Variants in USP24 observed in about 807,000 individuals in gnomAD.
USP24 encodes the protein ubiquitin specific peptidase 24.
Under a neutral mutation model 361.6 loss-of-function variants are expected in USP24, and 97 were observed. The ratio of observed to expected loss-of-function variants is 0.27; its 90% CI spans 0.23 to 0.32. The LOEUF (loss-of-function observed/expected upper bound fraction) is 0.32, where lower values mean the gene tolerates loss of function less well. USP24 is among the 10% of genes least tolerant of loss of function. The pLI, the probability that USP24 is intolerant of heterozygous loss-of-function variation, is 1.00. For synonymous variants in USP24, 1,098 were observed against 1,124.6 expected, an observed-to-expected ratio of 0.98 and a Z score of 0.47; for missense variants, 2,353 against 3,165.6, an observed-to-expected ratio of 0.74 and a Z score of 6.16.
At chr1:55,072,484 G>C in intron 65 of USP24, 81 bp from the exon 66 acceptor site, 2 of 1,168,958 alleles carry the variant, frequency 1.7e-6, no homozygotes, top group South Asian at 1.4e-5. Context: ...TAGATATTGA[G>C]TCTTAAAAGC....
At chr1:55,166,989 G>C (rs1249491669) in intron 5 of USP24, among the ~76,000 whole-genome samples, 1 of 152,156 alleles carries the variant, frequency 6.6e-6, no homozygotes, top group Non-Finnish European at 1.5e-5. Flanking sequence ...TTTAGTCCCA[G>C]TTAGATCATT....
intron 41 of USP24, among the ~76,000 whole-genome samples, chr1:55,105,188 T>G (rs1462831105): frequency 1.3e-5 from 2 of 152,196 alleles, no homozygotes; most frequent in African/African-American, 4.8e-5. Flanking sequence ...AATTAAAATA[T>G]TCACTTGTTT....
rs1291720188 is a variant in USP24, at chr1:55,123,378, T to A, written c.4276+69A>T. ...ATGGGACCTTATCTAGGAAGAAATG[T>A]AAAGAATTCCCAACAGAAACTTGGC... is the stretch of plus-strand genomic sequence containing the variant. On this transcript the variant is annotated intron_variant, in intron 36 of 67. Coordinates refer to ENST00000294383, the MANE Select transcript of USP24 (RefSeq NM_015306.3). The A allele has an allele frequency of 2.1e-6, 3 of 1,421,882 alleles. No homozygotes were observed. In the African/African-American group the frequency reaches 4.3e-5, roughly 21 times the overall value. The allele number at this position is 1,421,882 out of a possible 1,614,324, so 88.1% of individuals were successfully genotyped here. A position where few individuals can be genotyped will look rare whatever the true frequency, so the allele number is the denominator to read the frequency against.
intron 1 of USP24, among the ~76,000 whole-genome samples, chr1:55,187,044 A>G (rs541313746): frequency 1.1e-4 from 17 of 152,332 alleles, no homozygotes; most frequent in Non-Finnish European, 2.1e-4. Context: ...ATCCACACAT[A>G]TATTAAAAAG....
Position 55,097,561 on chromosome 1 carries a change from A to C in USP24, c.5715+37T>G, listed in dbSNP as rs941233343. 3.3e-6 allele frequency: 5 copies of C among 1,525,794 alleles called. No individual in the cohort carries two copies. The African/African-American group carries it at 7.0e-5, about 21-fold the overall frequency. The allele number at this position is 1,525,794 out of a possible 1,614,324, so 94.5% of individuals were successfully genotyped here. A position where few individuals can be genotyped will look rare whatever the true frequency, so the allele number is the denominator to read the frequency against. On this transcript the variant is annotated intron_variant, in intron 48 of 67. Coordinates refer to ENST00000294383, the MANE Select transcript of USP24 (RefSeq NM_015306.3). ...AAAAAAAGAAGTGAGTGAGGAAATGAATGGTTGTGAAAAATTTCAGGAAGA... is the reference window on the plus strand; with the variant it reads ...AAAAAAAGAAGTGAGTGAGGAAATGCATGGTTGTGAAAAATTTCAGGAAGA...
chr1:55,189,054 T>G (rs1463650762), intron 1 of USP24, among the ~76,000 whole-genome samples: 1 of 149,788 alleles, frequency 6.7e-6, no homozygotes, highest in African/African-American at 2.5e-5. Flanking sequence ...CACACACTGC[T>G]GATTGATTAT....
chr1:55,159,018 C>T lies in USP24; in HGVS notation c.1087G>A (p.Glu363Lys). 1 of 1,550,282 alleles carries T rather than the reference C, an allele frequency of 6.5e-7. No homozygotes were observed. The highest frequency in any genetic ancestry group is 8.7e-7 in the Non-Finnish European group (1 of 1,147,634). ...AGTAACTTAACGGCAGACAAGAGCT[C>T]AGGGATGCTAACCAATCTCTTTTAT... Reference protein sequence around the residue: ...LKDKRLVSIPELLSAVKLLCM... With the variant: ...LKDKRLVSIPKLLSAVKLLCM... The change falls in exon 10 of 68, where the codon GAG (glutamate) becomes AAG (lysine). Residue 363 changes from glutamate (E) to lysine (K), a missense_variant. Coordinates refer to ENST00000294383, the MANE Select transcript of USP24 (RefSeq NM_015306.3).
At position 55,148,457 on chromosome 1, in the gene USP24, C is replaced by A. The variant is rs202039371; in HGVS notation, c.1968+6G>T. ...CTATAATAATAAAAAATAGCTATAC[C>A]CTTACCTTGTCTTGCTTTTGATAGG... On this transcript the variant is annotated splice_donor_region_variant and intron_variant, in intron 17 of 67. Transcript: ENST00000294383. The A allele has an allele frequency of 2.8e-3, 4,335 of 1,554,228 alleles. 7 individuals carry two copies. The highest frequency in any genetic ancestry group is 3.5e-3 in the Non-Finnish European group (3,967 of 1,146,842).
At chr1:55,188,831 G>A (rs1047895541) in intron 1 of USP24, among the ~76,000 whole-genome samples, 1 of 151,514 alleles carries the variant, frequency 6.6e-6, no homozygotes, top group Non-Finnish European at 1.5e-5. Context: ...GTGGTGGTGG[G>A]CACCTGTAAT....
chr1:55,133,620 A>C (rs1646652055), intron 30 of USP24, among the ~76,000 whole-genome samples: 2 of 149,624 alleles, frequency 1.3e-5, no homozygotes, highest in Non-Finnish European at 3.0e-5. Context: ...TTTATAGCAA[A>C]GGTATTTCTC....
chr1:55,176,930 T>A (rs1650037857), intron 2 of USP24, among the ~76,000 whole-genome samples: 1 of 151,718 alleles, frequency 6.6e-6, no homozygotes, highest in Non-Finnish European at 1.5e-5. Context: ...ACCCCGTCCC[T>A]ACAAAAAATA....
intron 55 of USP24, 53 bp downstream of exon 55, chr1:55,089,574 A>G: frequency 8.0e-7 from 1 of 1,255,584 alleles, no homozygotes; most frequent in East Asian, 2.5e-5. Context: ...CTTCAGCTCT[A>G]AATCACTGGA....
chr1:55,165,260 G>A lies in USP24; in HGVS notation c.927+625C>T, dbSNP rs566197031. Among the ~76,000 whole-genome samples the A allele has an allele frequency of 3.3e-5, 5 of 152,212 alleles. No homozygotes were observed. The South Asian group carries it at 6.2e-4, about 19-fold the overall frequency. ...GCAGTGTCTTATTCATGCCAAGTACGTAATAGTTTTTAGTTGAATGATTAA... is the reference window on the plus strand; with the variant it reads ...GCAGTGTCTTATTCATGCCAAGTACATAATAGTTTTTAGTTGAATGATTAA... On this transcript the variant is annotated intron_variant, in intron 7 of 67. Transcript: ENST00000294383.
chr1:55,103,021 A>AAAGGGT (rs1645676897), intron 42 of USP24, among the ~76,000 whole-genome samples: 1 of 152,210 alleles, frequency 6.6e-6, no homozygotes, highest in Non-Finnish European at 1.5e-5. Context: ...TCAGGCATCC[A>AAAGGGT]AAGGGTAAGT....
rs1291773708 is a variant in USP24, at chr1:55,215,025, G to A, written c.89C>T (p.Ala30Val). The A allele has an allele frequency of 2.0e-6, 3 of 1,485,394 alleles. No individual in the cohort carries two copies. Among genetic ancestry groups the A allele is most frequent in the Non-Finnish European group, 1.8e-6 (2 of 1,117,786 alleles). The allele number at this position is 1,485,394 out of a possible 1,614,324, so 92.0% of individuals were successfully genotyped here. Residue 30 changes from alanine (A) to valine (V), a missense_variant, in exon 1 of 68, where the codon GCC becomes GTC. This residue lies in a region of USP24 where 253 missense variants were observed against 255.3 expected (regional missense o/e 0.99). Coordinates refer to ENST00000294383, the MANE Select transcript of USP24 (RefSeq NM_015306.3). Reference protein sequence around the residue: ...PATIRKALRLAKNDINEAVAL... With the variant: ...PATIRKALRLVKNDINEAVAL... ...CACGGCCTCGTTAATGTCGTTCTTG[G>A]CCAGGCGCAGGGCCTTGCGGATGGT...
At chr1:55,099,464 G>A (rs1645575989) in intron 45 of USP24, among the ~76,000 whole-genome samples, 1 of 151,938 alleles carries the variant, frequency 6.6e-6, no homozygotes. Flanking sequence ...AGGCTGAGGT[G>A]CAAGAATCTC....
intron 38 of USP24, among the ~76,000 whole-genome samples, chr1:55,111,621 C>A (rs1645956782): frequency 1.3e-5 from 2 of 152,026 alleles, no homozygotes; most frequent in Non-Finnish European, 2.9e-5. Flanking sequence ...CACATGTTTA[C>A]TGGGGGAAGC....
rs548852 is a variant in USP24, at chr1:55,089,612, G to A, written c.6668+15C>T. ...AGACACAAATTTCTTTTAATTAAAAGACTCCAACACTTACTTTATCAATTC... is the reference window on the plus strand; with the variant it reads ...AGACACAAATTTCTTTTAATTAAAAAACTCCAACACTTACTTTATCAATTC... On this transcript the variant is annotated intron_variant, in intron 55 of 67. Coordinates refer to ENST00000294383, the MANE Select transcript of USP24 (RefSeq NM_015306.3). 1,140,860 of 1,523,658 alleles carry A rather than the reference G, an allele frequency of 0.75. 435,679 individuals carry two copies. Among genetic ancestry groups the A allele is most frequent in the East Asian group, 0.9 (38,144 of 42,280 alleles). 94.4% of individuals were successfully genotyped at this position (1,523,658 alleles called of 1,614,324 possible). A position where few individuals can be genotyped will look rare whatever the true frequency, so the allele number is the denominator to read the frequency against.
chr1:55,147,136 T>A, intron 18 of USP24, 76 bp from the exon 19 acceptor site: 1 of 1,370,016 alleles, frequency 7.3e-7, no homozygotes, highest in Non-Finnish European at 9.7e-7. Context: ...AAAACAAAAC[T>A]TTAAGTTTTA....
Sources: allele counts gnomAD v4.1 joint callset (sites outside exome capture counted in the v4.1 genomes callset), GRCh38; gene constraint gnomAD v4.1.1; regional missense constraint gnomAD v4.1.1; transcripts MANE v1.5; gene names NCBI Gene and HGNC (gene_info 2026-07-23, HGNC 2026-07-21).